Variants in YAP1 observed in about 807,000 individuals in gnomAD.
YAP1 encodes the protein transcriptional coactivator YAP1.
YAP1 carries 5 observed loss-of-function variants against 56.9 expected under a neutral mutation model. The ratio of observed to expected loss-of-function variants is 0.09; its 90% CI spans 0.05 to 0.18. YAP1 has a LOEUF of 0.18. Ranked by LOEUF, YAP1 falls within the 10% of genes least tolerant of loss-of-function variation. The pLI, the probability that YAP1 is intolerant of heterozygous loss-of-function variation, is 1.00. For synonymous variants in YAP1, 265 were observed against 248.1 expected (o/e 1.07, Z -0.64); for missense variants, 539 against 651.8 (o/e 0.83, Z 1.88).
intron 1 of YAP1, chr11:102,112,541 G>A (rs1943019151): frequency 4.1e-6 from 4 of 981,298 alleles, no homozygotes; most frequent in East Asian, 1.2e-4. Flanking sequence ...CACTCGGGAT[G>A]TAACTTGAGT....
At chr11:102,115,353 GTCTAC>G (rs1943211975) in intron 2 of YAP1, among the ~76,000 whole-genome samples, 1 of 152,186 alleles carries the variant, frequency 6.6e-6, no homozygotes, top group African/African-American at 2.4e-5. Flanking sequence ...GGTCTTGACA[GTCTAC>G]TCCTAAGGCA....
At chr11:102,117,778 TATA>T (rs1485271827) in intron 2 of YAP1, among the ~76,000 whole-genome samples, 1 of 152,214 alleles carries the variant, frequency 6.6e-6, no homozygotes, top group Non-Finnish European at 1.5e-5. Flanking sequence ...GGCTTAGCCA[TATA>T]ATATTTGTTC....
intron 2 of YAP1, among the ~76,000 whole-genome samples, chr11:102,136,861 G>T (rs1662144415): frequency 6.6e-6 from 1 of 152,148 alleles, no homozygotes; most frequent in South Asian, 2.1e-4. Context: ...TTTGTTGTCT[G>T]TCGCTGTGTC....
chr11:102,187,369 TA>T (rs35514743), intron 4 of YAP1, among the ~76,000 whole-genome samples: 140,691 of 152,154 alleles, frequency 0.92, 66,033 homozygotes, highest in East Asian at 1. Flanking sequence ...GTTTGGGTGT[TA>T]AAAAAAGTAA....
At chr11:102,228,221 A>G (rs537979254) in intron 8 of YAP1, among the ~76,000 whole-genome samples, 4 of 152,254 alleles carry the variant, frequency 2.6e-5, no homozygotes, top group African/African-American at 7.2e-5. Context: ...AGATGTCTAC[A>G]TGTAATTCAG....
chr11:102,111,037 C>T lies in YAP1; in HGVS notation c.189C>T (p.Thr63=). The T allele has an allele frequency of 6.2e-7, 1 of 1,611,888 alleles. No homozygotes were observed. Among genetic ancestry groups the T allele is most frequent in the Non-Finnish European group, 8.5e-7 (1 of 1,179,322 alleles). ...QIVHVRGDSE[T]DLEALFNAVM... is the part of the protein sequence containing the mutation. ...TGCACGTCCGCGGGGACTCGGAGACCGACCTGGAGGCGCTCTTCAACGCCG... is the reference window on the plus strand; with the variant it reads ...TGCACGTCCGCGGGGACTCGGAGACTGACCTGGAGGCGCTCTTCAACGCCG... Residue 63 remains threonine, a synonymous_variant, in exon 1 of 9, where the codon ACC becomes ACT. Transcript: ENST00000282441.
chr11:102,229,479 A>T (rs1565293571), intron 8 of YAP1, among the ~76,000 whole-genome samples: 1 of 152,162 alleles, frequency 6.6e-6, no homozygotes, highest in Non-Finnish European at 1.5e-5. Context: ...ACATAATAGC[A>T]ATCAAGCTGT....
chr11:102,129,218 C>T (rs1369133237), intron 2 of YAP1, among the ~76,000 whole-genome samples: 1 of 151,774 alleles, frequency 6.6e-6, no homozygotes, highest in Non-Finnish European at 1.5e-5. Flanking sequence ...CCTAATAGAC[C>T]ATTGTTGATG....
At chr11:102,114,856 A>G (rs1039106460) in intron 2 of YAP1, among the ~76,000 whole-genome samples, 5 of 152,208 alleles carry the variant, frequency 3.3e-5, no homozygotes, top group Admixed American at 3.3e-4. Context: ...GGGGGAGTCT[A>G]ATTTTACAGT....
intron 3 of YAP1, 43 bp from the exon 4 acceptor site, chr11:102,185,975 C>G (rs1228622400): frequency 2.0e-6 from 3 of 1,514,424 alleles, no homozygotes; most frequent in South Asian, 1.3e-5. Flanking sequence ...TTTAGGTGCA[C>G]CAAATAAAAA....
intron 3 of YAP1, among the ~76,000 whole-genome samples, chr11:102,176,991 GA>G (rs1301214819): frequency 6.6e-6 from 1 of 151,986 alleles, no homozygotes; most frequent in African/African-American, 2.4e-5. Flanking sequence ...AGTAGGAGAA[GA>G]AACTATATGT....
intron 4 of YAP1, among the ~76,000 whole-genome samples, chr11:102,187,470 A>C (rs906931679): frequency 1.3e-5 from 2 of 152,204 alleles, no homozygotes; most frequent in African/African-American, 4.8e-5. Context: ...TAAGATAGAG[A>C]ATTTAATAAA....
At chr11:102,114,452 C>T in intron 2 of YAP1, 58 bp downstream of exon 2, 1 of 1,568,790 alleles carries the variant, frequency 6.4e-7, no homozygotes, top group Non-Finnish European at 8.7e-7. Flanking sequence ...TTGGAAAACA[C>T]AGTAAAGTGG....
chr11:102,129,918 C>T (rs1944276260), intron 2 of YAP1, among the ~76,000 whole-genome samples: 2 of 151,092 alleles, frequency 1.3e-5, no homozygotes, highest in South Asian at 4.2e-4. Context: ...AAGTGATTCT[C>T]CTGCCTCAGC....
At chr11:102,156,637 A>G (rs756832444) in intron 2 of YAP1, among the ~76,000 whole-genome samples, 1 of 152,200 alleles carries the variant, frequency 6.6e-6, no homozygotes, top group African/African-American at 2.4e-5. Flanking sequence ...GTTGTTTTCT[A>G]TATCATGAAA....
At chr11:102,184,284 A>T (rs1300636169) in intron 3 of YAP1, among the ~76,000 whole-genome samples, 2 of 152,222 alleles carry the variant, frequency 1.3e-5, no homozygotes, top group Non-Finnish European at 2.9e-5. Flanking sequence ...ATAGTAGCAA[A>T]CCATTAATAT....
At chr11:102,123,310 A>C (rs1237990764) in intron 2 of YAP1, among the ~76,000 whole-genome samples, 1 of 151,840 alleles carries the variant, frequency 6.6e-6, no homozygotes, top group East Asian at 1.9e-4. Context: ...CTATCCTTAG[A>C]GTCTTTTGTT....
chr11:102,205,009 TACTA>T (rs1949049393), intron 4 of YAP1, among the ~76,000 whole-genome samples: 1 of 152,164 alleles, frequency 6.6e-6, no homozygotes, highest in Non-Finnish European at 1.5e-5. Context: ...TTATTATTCT[TACTA>T]ACATTTTCAC....
Position 102,201,892 on chromosome 11 carries a change from T to C in YAP1, c.803-4001T>C, listed in dbSNP as rs1362553545. On this transcript the variant is annotated intron_variant, in intron 4 of 8. Transcript: ENST00000282441. ...CCCACTCAAAGAAATCAGGGCTTCT[T>C]CAAAAAAGGCTGAGTAAAATTTGGG... 2.0e-5 allele frequency among the ~76,000 whole-genome samples: 3 copies of C among 152,024 alleles called. No homozygotes were observed. The East Asian group carries it at 5.8e-4, about 29-fold the overall frequency.
Sources: allele counts gnomAD v4.1 joint callset (sites outside exome capture counted in the v4.1 genomes callset), GRCh38; gene constraint gnomAD v4.1.1; transcripts MANE v1.5; gene names NCBI Gene and HGNC (gene_info 2026-07-23, HGNC 2026-07-21).